Variants in CHTF18 observed in about 807,000 individuals in gnomAD.
CHTF18 encodes the protein chromosome transmission fidelity factor 18.
In CHTF18, 151 loss-of-function variants were observed where a neutral mutation model predicts 113.4. The ratio of observed to expected loss-of-function variants is 1.33; its 90% confidence interval spans 1.17 to 1.52. CHTF18 has a LOEUF of 1.52. CHTF18 is among the 40% of genes most tolerant of loss of function. The pLI is 0.00. For missense variants in CHTF18, 1,982 were observed against 1,381.6 expected, an observed-to-expected ratio of 1.43 and a Z score of -6.89; for synonymous variants, 916 against 598.8, an observed-to-expected ratio of 1.53 and a Z score of -7.74.
In CHTF18 at chr16:793,582, C is replaced by G. The variant is rs1435186668; in HGVS notation, c.1802+308C>G. 5 of 549,970 alleles carry G rather than the reference C, an allele frequency of 9.1e-6. No homozygotes were observed. In the Admixed American group the frequency reaches 1.2e-4, roughly 14 times the overall value. The allele number at this position is 549,970 out of a possible 1,614,324, so 34.1% of individuals were successfully genotyped here. A position where few individuals can be genotyped will look rare whatever the true frequency, so the allele number is the denominator to read the frequency against. On this transcript the variant is annotated intron_variant, in intron 14 of 21. Coordinates refer to ENST00000262315, the MANE Select transcript of CHTF18 (RefSeq NM_022092.3). The stretch of plus-strand genomic sequence containing the variant: ...TCAGCTGCTGTCCCAGTTGCACCCT[C>G]ATTTTTGCCACATTTGGCCTGGGCT...
chr16:792,342 C>T lies in CHTF18; in HGVS notation c.1321C>T (p.Pro441Ser). ...GGTCATCGATGAGATCGACGGGGCCCCCGTGGTGGGCTCCTTGATGCCTGG... is the reference window on the plus strand; with the variant it reads ...GGTCATCGATGAGATCGACGGGGCCTCCGTGGTGGGCTCCTTGATGCCTGG... ...CLVIDEIDGAPVAAINVLLSI... is the reference protein window; with the variant it reads ...CLVIDEIDGASVAAINVLLSI... Residue 441 changes from proline (P) to serine (S), a missense_variant, in exon 10 of 22, where the codon CCC becomes TCC. Transcript: ENST00000262315. The T allele has an allele frequency of 1.3e-6, 2 of 1,554,408 alleles. No homozygotes were observed. Among genetic ancestry groups the T allele is most frequent in the Non-Finnish European group, 8.7e-7 (1 of 1,149,540 alleles).
In CHTF18 at chr16:796,024, G is replaced by T. The variant is rs772519820; in HGVS notation, c.2403G>T (p.Leu801=). The T allele has an allele frequency of 3.4e-5, 54 of 1,606,388 alleles. No homozygotes were observed. The highest frequency in any genetic ancestry group is 4.5e-5 in the Non-Finnish European group (53 of 1,177,304). ...SLVGTMLAYS[L]TYRQERTPDG... The stretch of plus-strand genomic sequence containing the variant: ...TGGGCACGATGCTCGCTTACAGCCT[G>T]ACCTACCGCCAGGAGCGCACGCCCG... The change falls in exon 18 of 22, where the codon CTG becomes CTT. Residue 801 remains leucine, a synonymous_variant. Transcript: ENST00000262315.
Position 791,300 on chromosome 16 carries a change from A to G in CHTF18, c.1034A>G (p.Lys345Arg), listed in dbSNP as rs1248991421. 1 of 1,610,812 alleles carries G rather than the reference A, an allele frequency of 6.2e-7. No individual in the cohort carries two copies. ...SKEATAPGKW[K>R]SHEQVLEEML... Reference sequence around the variant, plus strand: ...GAGGCCACAGCCCCAGGCAAGTGGAAGAGCCACGAACAGGTGCTGGAGGAG... The same window carrying G: ...GAGGCCACAGCCCCAGGCAAGTGGAGGAGCCACGAACAGGTGCTGGAGGAG... Residue 345 changes from lysine to arginine, a missense_variant, in exon 8 of 22, where the codon AAG (lysine) becomes AGG (arginine). Lys to Arg is a conservative substitution (Grantham distance 26). Coordinates refer to ENST00000262315, the MANE Select transcript of CHTF18 (RefSeq NM_022092.3).
rs766382232 is a variant in CHTF18, at chr16:788,921, C to T, written c.92-10C>T. The T allele has an allele frequency of 4.6e-6, 7 of 1,534,802 alleles. No homozygotes were observed. The South Asian group carries it at 6.0e-5, about 13-fold the overall frequency. Reference sequence around the variant, plus strand: ...TCGGGGCGGCCGCTGACAATCTCCTCTCCCAGCAGGGGCGTCGACTCCGTC... The same window carrying T: ...TCGGGGCGGCCGCTGACAATCTCCTTTCCCAGCAGGGGCGTCGACTCCGTC... On this transcript the variant is annotated splice_polypyrimidine_tract_variant and intron_variant, in intron 1 of 21. Coordinates refer to ENST00000262315, the MANE Select transcript of CHTF18 (RefSeq NM_022092.3).
Position 789,967 on chromosome 16 carries a change from C to T in CHTF18, c.607-210C>T, listed in dbSNP as rs116943840. 2.0e-3 allele frequency: 3,060 copies of T among 1,534,536 alleles called. 32 individuals carry two copies. The African/African-American group carries it at 0.025, about 13-fold the overall frequency. ...GCTTCCCCTCCTGCTTTTGCCCTTT[C>T]CTCCTTTCTCCTAAAGCTGCCCCCA... On this transcript the variant is annotated intron_variant, in intron 4 of 21. Coordinates refer to ENST00000262315, the MANE Select transcript of CHTF18 (RefSeq NM_022092.3).
At position 796,799 on chromosome 16, in the gene CHTF18, G is replaced by A. The variant is rs376797759; in HGVS notation, c.2539G>A (p.Glu847Lys). 1.4e-5 allele frequency: 22 copies of A among 1,611,202 alleles called. No homozygotes were observed. Among genetic ancestry groups the A allele is most frequent in the African/African-American group, 9.3e-5 (7 of 74,902 alleles). The change falls in exon 19 of 22, where the codon GAG becomes AAG. Residue 847 changes from glutamate to lysine, a missense_variant. Physicochemically the swap from Glu to Lys is moderately conservative, Grantham distance 56. Coordinates refer to ENST00000262315, the MANE Select transcript of CHTF18 (RefSeq NM_022092.3). ...TYQTKQLIAR[E>K]IEVEKMRRAE... ...CCAGACGAAGCAGCTCATCGCCCGC[G>A]AGATCGAGGTGGAGAAGATGCGGCG...
In CHTF18 at chr16:792,481, C is replaced by T; in HGVS notation, c.1369C>T (p.Pro457Ser). The change falls in exon 11 of 22, where the codon CCA becomes TCA. Residue 457 changes from proline to serine, a missense_variant. Coordinates refer to ENST00000262315, the MANE Select transcript of CHTF18 (RefSeq NM_022092.3). Reference protein sequence around the residue: ...VLLSILNRKGPQEVGPQGPAV... With the variant: ...VLLSILNRKGSQEVGPQGPAV... ...CCTGAGCATCCTGAACCGCAAGGGG[C>T]CACAGGAGGTGGGGCCACAGGGCCC... 7.6e-6 allele frequency: 12 copies of T among 1,587,508 alleles called. No individual in the cohort carries two copies. The highest frequency in any genetic ancestry group is 1.0e-5 in the Non-Finnish European group (12 of 1,167,554).
Position 790,680 on chromosome 16 carries a change from C to G in CHTF18, c.894+14C>G. 1.3e-6 allele frequency: 2 copies of G among 1,527,298 alleles called. No homozygotes were observed. The highest frequency in any genetic ancestry group is 1.7e-6 in the Non-Finnish European group (2 of 1,145,854). The allele number at this position is 1,527,298 out of a possible 1,614,324, so 94.6% of individuals were successfully genotyped here. On this transcript the variant is annotated intron_variant, in intron 7 of 21. Transcript: ENST00000262315. ...CTCAGTGATGACGTGAGGTCTTGTT[C>G]TCACTCAAGTGTGGCTGGCTTCCTC...
chr16:792,269 C>T lies in CHTF18; in HGVS notation c.1248C>T (p.Ala416=). The stretch of plus-strand genomic sequence containing the variant: ...TCTTCCGCACACGCATCGAGGCGGC[C>T]ACCCAGATGGAGTCGGTGCTGGGTG... The part of the protein sequence containing the change: ...PEVFRTRIEA[A]TQMESVLGAG... Residue 416 remains alanine, a synonymous_variant, in exon 10 of 22, where the codon GCC becomes GCT. Coordinates refer to ENST00000262315, the MANE Select transcript of CHTF18 (RefSeq NM_022092.3). 1 of 1,563,282 alleles carries T rather than the reference C, an allele frequency of 6.4e-7. No individual in the cohort carries two copies. Among genetic ancestry groups the T allele is most frequent in the Non-Finnish European group, 8.7e-7 (1 of 1,154,858 alleles).
At chr16:789,850 C>T (rs1343349214) in intron 4 of CHTF18, 135 bp downstream of exon 4, 8 of 1,307,722 alleles carry the variant, frequency 6.1e-6, no homozygotes, top group East Asian at 5.1e-5. Context: ...GGGGAGGCTG[C>T]GTCATGGGGC....
At chr16:792,690 G>A in intron 11 of CHTF18, 28 bp from the exon 12 acceptor site, 2 of 1,578,526 alleles carry the variant, frequency 1.3e-6, no homozygotes, top group Non-Finnish European at 1.7e-6. Flanking sequence ...CCAACCCTGG[G>A]GTCCCTGGCC....
rs1157790293 is a variant in CHTF18 at position 789,058 on chromosome 16, C to T, written c.219C>T (p.Ser73=). 6 of 1,537,088 alleles carry T rather than the reference C, an allele frequency of 3.9e-6. No homozygotes were observed. Among genetic ancestry groups the T allele is most frequent in the Non-Finnish European group, 5.3e-6 (6 of 1,140,956 alleles). Residue 73 remains serine, a synonymous_variant, in exon 2 of 22, where the codon AGC becomes AGT. Coordinates refer to ENST00000262315, the MANE Select transcript of CHTF18 (RefSeq NM_022092.3). ...CCGCCCCAGCCGCATCTGTGGGCAG[C>T]AGCCAGGGCGGCGCCAGGAAGAGGC... ...SSPAPAASVG[S]SQGGARKRQV...
At chr16:794,273 C>T (rs889872775) in intron 15 of CHTF18, 72 bp downstream of exon 15, 56 of 1,546,614 alleles carry the variant, frequency 3.6e-5, no homozygotes, top group East Asian at 2.7e-4. Context: ...CTGCCCCTGC[C>T]GGTCCTCCCG....
rs1567404647 is a variant in CHTF18 at position 795,849 on chromosome 16, CG to C, written c.2325+19del. 2 of 1,607,692 alleles carry C rather than the reference CG, an allele frequency of 1.2e-6. No homozygotes were observed. On this transcript the variant is annotated intron_variant, in intron 17 of 21. Coordinates refer to ENST00000262315, the MANE Select transcript of CHTF18 (RefSeq NM_022092.3). ...AGCTCCGCCCCGTGAGTGCCGTCCCCGGGGTGGGGGATTCCCCGCCTGCTGC... is the reference window on the plus strand; with the variant it reads ...AGCTCCGCCCCGTGAGTGCCGTCCCCGGGTGGGGGATTCCCCGCCTGCTGC...
rs1384413560 is a variant in CHTF18 at position 793,009 on chromosome 16, C to T, written c.1616C>T (p.Ala539Val). 2 of 1,566,344 alleles carry T rather than the reference C, an allele frequency of 1.3e-6. No homozygotes were observed. Among genetic ancestry groups the T allele is most frequent in the Admixed American group, 1.9e-5 (1 of 53,948 alleles). Reference protein sequence around the residue: ...QGMRADPGVLAALCEKTDNDI... With the variant: ...QGMRADPGVLVALCEKTDNDI... The stretch of plus-strand genomic sequence containing the variant: ...ATGAGGGCCGACCCAGGGGTGCTGG[C>T]CGCCCTCTGTGAGAAAACTGACAAT... The change falls in exon 13 of 22, where the codon GCC (alanine) becomes GTC (valine). Residue 539 changes from alanine (A) to valine (V), a missense_variant. Physicochemically the swap from Ala to Val is moderately conservative, Grantham distance 64 (BLOSUM62 0). Coordinates refer to ENST00000262315, the MANE Select transcript of CHTF18 (RefSeq NM_022092.3).
Position 790,781 on chromosome 16 carries a change from C to T in CHTF18, c.894+115C>T, listed in dbSNP as rs578194438. 2.0e-4 allele frequency: 286 copies of T among 1,437,450 alleles called. 1 individual carries two copies. The highest frequency in any genetic ancestry group is 7.6e-4 in the South Asian group (51 of 67,088). 89.0% of individuals were successfully genotyped at this position (1,437,450 alleles called of 1,614,324 possible). On this transcript the variant is annotated intron_variant, in intron 7 of 21. Transcript: ENST00000262315. The stretch of plus-strand genomic sequence containing the variant: ...CACTGGGCCTCGGAGACGGAGTGGG[C>T]TCTGGTTTGCCCTTTTGAGTTGTAG...
At chr16:793,306 C>T (rs775992049) in intron 14 of CHTF18, 32 bp downstream of exon 14, 8 of 1,601,484 alleles carry the variant, frequency 5.0e-6, no homozygotes, top group African/African-American at 4.0e-5. Context: ...GGCCCAGATG[C>T]TCACGGTGCC....
chr16:795,362 C>A lies in CHTF18; in HGVS notation c.2175+6C>A. The A allele has an allele frequency of 6.5e-7, 1 of 1,545,744 alleles. No homozygotes were observed. The highest frequency in any genetic ancestry group is 8.7e-7 in the Non-Finnish European group (1 of 1,145,370). On this transcript the variant is annotated splice_donor_region_variant and intron_variant, in intron 16 of 21. Transcript: ENST00000262315. ...TCCCCAGCAGCCAGCAGGAGGTGTG[C>A]TCGTCCCTGCACCACGCCTGCCCCC...
intron 4 of CHTF18, chr16:789,942 G>C: frequency 1.3e-6 from 2 of 1,504,796 alleles, no homozygotes; most frequent in Non-Finnish European, 1.8e-6. Flanking sequence ...GGGCCTCCTT[G>C]CTTCCCCTCC....
Sources: gnomAD v4.1 joint callset for allele counts on GRCh38, gnomAD v4.1.1 for gene constraint, MANE v1.5 for transcripts, NCBI Gene and HGNC (gene_info 2026-07-23, HGNC 2026-07-21) for gene names.